HIBCH: variants seen among roughly 807,000 people sequenced by gnomAD.
HIBCH encodes the protein 3-hydroxyisobutyryl-CoA hydrolase, mitochondrial.
In HIBCH, 50 loss-of-function variants were observed where a neutral mutation model predicts 58.2. The observed-to-expected ratio is 0.86, with a 90% CI of 0.68 to 1.09. The LOEUF is 1.09. Among genes scored for constraint, HIBCH ranks in the 50% least tolerant of loss-of-function variants. The pLI, the probability that HIBCH is intolerant of heterozygous loss-of-function variation, is 0.00. For missense variants in HIBCH, 450 were observed against 449.7 expected (o/e 1.00, Z -0.01); for synonymous variants, 151 against 146.9 (o/e 1.03, Z -0.20).
chr2:190,265,227 GTA>G (rs951939404), intron 6 of HIBCH, among the ~76,000 whole-genome samples: 4 of 150,342 alleles, frequency 2.7e-5, no homozygotes, highest in African/African-American at 7.4e-5. Flanking sequence ...TCCACTAGCT[GTA>G]TATGAGTTTG....
Position 190,303,145 on chromosome 2 carries a change from C to T in HIBCH, c.79-6192G>A, listed in dbSNP as rs77217109. 8.9e-3 allele frequency among the ~76,000 whole-genome samples: 1,360 copies of T among 152,220 alleles called. 15 individuals are homozygous for T. Among genetic ancestry groups the T allele is most frequent in the Middle Eastern group, 0.034 (10 of 294 alleles). ...ATGAACTCATGTTTAGTTTAATACA[C>T]ATATACAGAAAAAGTACAGAAACAA... On this transcript the variant is annotated intron_variant, in intron 2 of 13. Transcript: ENST00000359678.
chr2:190,261,244 A>T lies in HIBCH; in HGVS notation c.439-10T>A. 2.5e-6 allele frequency: 4 copies of T among 1,597,318 alleles called. No homozygotes were observed. Among genetic ancestry groups the T allele is most frequent in the Non-Finnish European group, 3.4e-6 (4 of 1,165,000 alleles). ...CTGAGAGACCAACTCCCTAGAGAAAAAAGGCAAAAAAAGAGGCGGGGGGGA... is the reference window on the plus strand; with the variant it reads ...CTGAGAGACCAACTCCCTAGAGAAATAAGGCAAAAAAAGAGGCGGGGGGGA... On this transcript the variant is annotated splice_polypyrimidine_tract_variant and intron_variant, in intron 6 of 13. Coordinates refer to ENST00000359678, the MANE Select transcript of HIBCH (RefSeq NM_014362.4).
At chr2:190,196,612 A>G (rs1689989845) in intron 1 of HIBCH, among the ~76,000 whole-genome samples, 1 of 151,810 alleles carries the variant, frequency 6.6e-6, no homozygotes, top group African/African-American at 2.4e-5. Context: ...GGCATTGTGA[A>G]TAATACCTTG....
At chr2:190,287,894 C>G (rs1174658862) in intron 5 of HIBCH, among the ~76,000 whole-genome samples, 1 of 152,136 alleles carries the variant, frequency 6.6e-6, no homozygotes, top group African/African-American at 2.4e-5. Flanking sequence ...TGGTGGCTGA[C>G]ACCTGTAATC....
In HIBCH at chr2:190,247,103, C is replaced by T. The variant is rs565417363; in HGVS notation, c.751-891G>A. Among the ~76,000 whole-genome samples, 8 of 151,780 alleles carry T rather than the reference C, an allele frequency of 5.3e-5. No homozygotes were observed. In the South Asian group the frequency reaches 1.7e-3, roughly 32 times the overall value. ...GTTAAAACACAAGATTCGCACTTAT[C>T]TTTATTAAATTTCACATTATTACTA... On this transcript the variant is annotated intron_variant, in intron 9 of 13. Coordinates refer to ENST00000359678, the MANE Select transcript of HIBCH (RefSeq NM_014362.4).
intron 1 of HIBCH, among the ~76,000 whole-genome samples, chr2:190,191,870 G>A (rs1008035651): frequency 2.0e-4 from 30 of 151,490 alleles, no homozygotes; most frequent in African/African-American, 7.3e-4. Flanking sequence ...TCATTTATTG[G>A]CTAGATGATG....
chr2:190,306,227 C>T lies in HIBCH; in HGVS notation c.78+4527G>A, dbSNP rs936933085. Among the ~76,000 whole-genome samples the T allele has an allele frequency of 6.6e-6, 1 of 152,036 alleles. No individual in the cohort carries two copies. Among genetic ancestry groups the T allele is most frequent in the Admixed American group, 6.6e-5 (1 of 15,252 alleles). ...CCTAGGTCAAGAAATGGAATTTAGCCGCTGAGGGATGCAATCTGGCATAAG... is the reference window on the plus strand; with the variant it reads ...CCTAGGTCAAGAAATGGAATTTAGCTGCTGAGGGATGCAATCTGGCATAAG... On this transcript the variant is annotated intron_variant, in intron 2 of 13. Coordinates refer to ENST00000359678, the MANE Select transcript of HIBCH (RefSeq NM_014362.4). This position sits in a 1 kb window ranked among gnomAD's most constrained non-coding sequence, Gnocchi z 4.6.
At chr2:190,190,871 T>C (rs2105873123) in intron 1 of HIBCH, among the ~76,000 whole-genome samples, 1 of 152,290 alleles carries the variant, frequency 6.6e-6, no homozygotes, top group South Asian at 2.1e-4. Context: ...ACCACCACAA[T>C]CGGGATAAAG....
At chr2:190,245,810 C>T (rs770184443) in intron 10 of HIBCH, among the ~76,000 whole-genome samples, 5 of 151,900 alleles carry the variant, frequency 3.3e-5, no homozygotes, top group Non-Finnish European at 2.9e-5. Context: ...GCCAACATGG[C>T]GAAACCCTGT....
Position 190,211,051 on chromosome 2 carries a change from C to T in HIBCH, c.1011+1905G>A, listed in dbSNP as rs572529765. On this transcript the variant is annotated intron_variant, in intron 12 of 13. Coordinates refer to ENST00000359678, the MANE Select transcript of HIBCH (RefSeq NM_014362.4). The surrounding 1 kb of genome is among the most constrained non-coding windows in gnomAD (Gnocchi z 5.0). ...TTCCATGAGGGCAGGTGTTATCCTA[C>T]TCCCTACTCCCCAAGATAATGATTT... Among the ~76,000 whole-genome samples the T allele has an allele frequency of 7.2e-5, 11 of 152,166 alleles. No homozygotes were observed. The highest frequency in any genetic ancestry group is 4.6e-4 in the Admixed American group (7 of 15,274).
chr2:190,231,065 A>G (rs1261940886), intron 11 of HIBCH, among the ~76,000 whole-genome samples: 1 of 152,218 alleles, frequency 6.6e-6, no homozygotes, highest in East Asian at 1.9e-4. Flanking sequence ...ATCTATCTAC[A>G]ATGTCATTTG....
At chr2:190,258,963 T>C (rs1416051260) in intron 7 of HIBCH, among the ~76,000 whole-genome samples, 12 of 152,208 alleles carry the variant, frequency 7.9e-5, no homozygotes, top group Admixed American at 7.9e-4. Context: ...CTTGCTATTC[T>C]TTTCCAGTGG....
At chr2:190,283,002 T>C (rs762338249) in intron 6 of HIBCH, among the ~76,000 whole-genome samples, 3 of 152,158 alleles carry the variant, frequency 2.0e-5, no homozygotes, top group Non-Finnish European at 4.4e-5. Context: ...CATCTAATTG[T>C]AGTGTAAGTT....
rs181803808 is a variant in HIBCH at position 190,267,552 on chromosome 2, T to G, written c.439-6318A>C. ...ATCATACCAGTAGAGTTATTTCAGA[T>G]AGGCAAAGGTTTGTTCCTATGGTTT... On this transcript the variant is annotated intron_variant, in intron 6 of 13. Transcript: ENST00000359678. Among the ~76,000 whole-genome samples the G allele has an allele frequency of 8.1e-4, 123 of 152,206 alleles. 1 individual carries two copies. The highest frequency in any genetic ancestry group is 2.9e-3 in the African/African-American group (122 of 41,572).
intron 2 of HIBCH, 55 bp downstream of exon 2, chr2:190,310,699 G>A: frequency 1.5e-6 from 2 of 1,363,334 alleles, no homozygotes; most frequent in Non-Finnish European, 2.1e-6. Flanking sequence ...CTCTAACAAT[G>A]ACATTTTAAG....
intron 6 of HIBCH, among the ~76,000 whole-genome samples, chr2:190,282,197 T>C (rs1687720481): frequency 6.6e-6 from 1 of 152,246 alleles, no homozygotes; most frequent in African/African-American, 2.4e-5. Context: ...GTATTTGTTA[T>C]TAGCAACACT....
Position 190,215,247 on chromosome 2 carries a change from T to C in HIBCH, c.892-2172A>G, listed in dbSNP as rs1433391648. The stretch of plus-strand genomic sequence containing the variant: ...AGGGGAATAATTATAAGGGCAGCCA[T>C]AACCATTTGGGAAAGACAGCGTCCT... On this transcript the variant is annotated intron_variant, in intron 11 of 13. Transcript: ENST00000359678. This position sits in a 1 kb window ranked among gnomAD's most constrained non-coding sequence, Gnocchi z 4.4. 1 of 152,172 alleles carries C rather than the reference T, an allele frequency of 6.6e-6. No individual in the cohort carries two copies. Among genetic ancestry groups the C allele is most frequent in the Admixed American group, 6.5e-5 (1 of 15,274 alleles). The allele number at this position is 152,172 out of a possible 1,614,324, so 9.4% of individuals were successfully genotyped here. A position where few individuals can be genotyped will look rare whatever the true frequency, so the allele number is the denominator to read the frequency against.
intron 7 of HIBCH, among the ~76,000 whole-genome samples, chr2:190,255,607 A>G (rs552801036): frequency 6.6e-6 from 1 of 152,352 alleles, no homozygotes; most frequent in East Asian, 1.9e-4. Flanking sequence ...TGGTCTCTGA[A>G]TATCAGAAAA....
intron 11 of HIBCH, among the ~76,000 whole-genome samples, chr2:190,228,860 A>G (rs180794091): frequency 3.9e-5 from 6 of 152,300 alleles, no homozygotes; most frequent in Admixed American, 2.0e-4. Flanking sequence ...CTGAGCACCT[A>G]CAATGCACTA....
Sources: gnomAD v4.1 joint callset for allele counts (sites outside exome capture counted in the v4.1 genomes callset) on GRCh38, gnomAD v4.1.1 for gene constraint, Gnocchi (gnomAD v3.1) non-coding constraint, MANE v1.5 for transcripts, NCBI Gene and HGNC (gene_info 2026-07-23, HGNC 2026-07-21) for gene names.